MACF1: variants seen among roughly 807,000 people sequenced by gnomAD.
MACF1 encodes the protein microtubule-actin cross-linking factor 1.
In MACF1, 193 loss-of-function variants were observed where a neutral mutation model predicts 854.8. That is an observed-to-expected ratio of 0.23 (90% CI 0.20 to 0.25). The LOEUF is 0.25. Among genes scored for constraint, MACF1 ranks in the 10% least tolerant of loss-of-function variants. The pLI is 1.00. For synonymous variants in MACF1, 3,185 were observed against 3,226.7 expected (o/e 0.99, Z 0.44); for missense variants, 7,722 against 8,929.1 (o/e 0.86, Z 5.45).
At chr1:39,408,828 G>A (rs1474379208) in intron 58 of MACF1, among the ~76,000 whole-genome samples, 1 of 151,942 alleles carries the variant, frequency 6.6e-6, no homozygotes, top group Admixed American at 6.5e-5. Context: ...GGCGTCCCGG[G>A]TCTCTCGCTC....
chr1:39,445,475 G>T (rs946709280), intron 80 of MACF1, among the ~76,000 whole-genome samples: 1 of 152,228 alleles, frequency 6.6e-6, no homozygotes, highest in Non-Finnish European at 1.5e-5. Flanking sequence ...TTGAGCAAGT[G>T]TGTGCCAAGT....
At chr1:39,198,940 A>T (rs1644356010) in intron 2 of MACF1, among the ~76,000 whole-genome samples, 1 of 152,186 alleles carries the variant, frequency 6.6e-6, no homozygotes, top group South Asian at 2.1e-4. Context: ...GAGGAAGTAT[A>T]AACACCTCAA....
At chr1:39,268,132 T>C (rs1645255364) in intron 6 of MACF1, among the ~76,000 whole-genome samples, 1 of 152,216 alleles carries the variant, frequency 6.6e-6, no homozygotes, top group Non-Finnish European at 1.5e-5. Context: ...TTGGTTCTTC[T>C]TGGCCCGGGC....
Position 39,447,815 on chromosome 1 carries a change from G to C in MACF1, c.19885G>C (p.Val6629Leu), listed in dbSNP as rs369605640. 32 of 1,613,826 alleles carry C rather than the reference G, an allele frequency of 2.0e-5. No homozygotes were observed. Among genetic ancestry groups the C allele is most frequent in the African/African-American group, 5.3e-5 (4 of 74,852 alleles). ...TCTGATCAAGAATTTGTTGGTGAGC[G>C]TGCAGTCTCGATGGGAGAAGGTTGT... The part of the protein sequence containing the change: ...VVLIKNLLVS[V>L]QSRWEKVVQR... Residue 6629 changes from valine (V) to leucine (L), a missense_variant, in exon 82 of 101, where the codon GTG (valine) becomes CTG (leucine). By Grantham distance (32) the Val-to-Leu change is conservative. Around this residue, in one of 15 missense-constraint regions of MACF1, gnomAD observed 729 missense variants for 900.5 expected, o/e 0.81. Coordinates refer to ENST00000564288, the MANE Select transcript of MACF1 (RefSeq NM_001394062.1).
chr1:39,330,524 G>T (rs375033493), intron 36 of MACF1, among the ~76,000 whole-genome samples: 1 of 152,114 alleles, frequency 6.6e-6, no homozygotes, highest in African/African-American at 2.4e-5. Flanking sequence ...GAACTGTTAC[G>T]TGTCTTTAAG....
At chr1:39,192,411 G>A (rs75851949) in intron 2 of MACF1, among the ~76,000 whole-genome samples, 1 of 152,092 alleles carries the variant, frequency 6.6e-6, no homozygotes, top group Admixed American at 6.6e-5. Context: ...TCTCTATAAG[G>A]ACTCATCACA....
At chr1:39,367,830 C>T (rs1018141589) in intron 49 of MACF1, among the ~76,000 whole-genome samples, 1 of 151,890 alleles carries the variant, frequency 6.6e-6, no homozygotes, top group Non-Finnish European at 1.5e-5. Flanking sequence ...ATTAGCTGGG[C>T]ATGGTGGCAG....
Position 39,287,278 on chromosome 1 carries a change from C to G in MACF1, c.1509-8C>G. The G allele has an allele frequency of 6.2e-7, 1 of 1,607,208 alleles. No homozygotes were observed. The highest frequency in any genetic ancestry group is 2.2e-5 in the East Asian group (1 of 44,762). On this transcript the variant is annotated splice_polypyrimidine_tract_variant and splice_region_variant and intron_variant, in intron 14 of 100. Coordinates refer to ENST00000564288, the MANE Select transcript of MACF1 (RefSeq NM_001394062.1). The stretch of plus-strand genomic sequence containing the variant: ...AATCCTTTCCTTTTTTCTCTTCTTC[C>G]ATTTCAGGGTCATGCGTCTTCAGGA...
intron 99 of MACF1, among the ~76,000 whole-genome samples, chr1:39,481,717 C>G (rs1645015220): frequency 6.6e-6 from 1 of 152,228 alleles, no homozygotes; most frequent in African/African-American, 2.4e-5. Context: ...AGAAATAAAA[C>G]ATGGACTAGT....
intron 2 of MACF1, among the ~76,000 whole-genome samples, chr1:39,136,809 T>C (rs1643183219): frequency 6.6e-6 from 1 of 152,188 alleles, no homozygotes; most frequent in Admixed American, 6.5e-5. Flanking sequence ...GAATCTATTT[T>C]AGAGAAACAG....
chr1:39,336,542 A>G lies in MACF1; in HGVS notation c.9954A>G (p.Thr3318=). 1 of 1,614,200 alleles carries G rather than the reference A, an allele frequency of 6.2e-7. No individual in the cohort carries two copies. Among genetic ancestry groups the G allele is most frequent in the Non-Finnish European group, 8.5e-7 (1 of 1,180,022 alleles). Residue 3318 remains threonine, a synonymous_variant, in exon 37 of 101, where the codon ACA becomes ACG. Transcript: ENST00000564288. Reference sequence around the variant, plus strand: ...GCTCTGCAGTGAAGACAGAGAAGACACCACAGGAAAAGCTCAGAGAAAGCC... The same window carrying G: ...GCTCTGCAGTGAAGACAGAGAAGACGCCACAGGAAAAGCTCAGAGAAAGCC... The part of the protein sequence containing the change: ...TVCSAVKTEK[T]PQEKLRESPG...
chr1:39,396,627 A>C (rs1642285482), intron 58 of MACF1, among the ~76,000 whole-genome samples: 1 of 152,238 alleles, frequency 6.6e-6, no homozygotes, highest in Non-Finnish European at 1.5e-5. Flanking sequence ...TCTCAGCCTT[A>C]GGCTGGTTCT....
chr1:39,197,702 T>A (rs115511541), intron 2 of MACF1, among the ~76,000 whole-genome samples: 1 of 151,742 alleles, frequency 6.6e-6, no homozygotes, highest in Non-Finnish European at 1.5e-5. Flanking sequence ...CTGGACTACA[T>A]AGTGAGACCC....
At chr1:39,247,851 G>A (rs1175356902) in intron 2 of MACF1, among the ~76,000 whole-genome samples, 4 of 151,998 alleles carry the variant, frequency 2.6e-5, no homozygotes, top group Admixed American at 6.6e-5. Context: ...GTGAAACCCC[G>A]TCTCTACTAA....
chr1:39,131,889 C>T (rs1643014978), intron 2 of MACF1, among the ~76,000 whole-genome samples: 1 of 152,176 alleles, frequency 6.6e-6, no homozygotes, highest in Non-Finnish European at 1.5e-5. Context: ...TCAAGTGATC[C>T]TCCTGCCTCA....
chr1:39,100,346 T>C (rs572074582), intron 2 of MACF1, among the ~76,000 whole-genome samples: 9 of 152,114 alleles, frequency 5.9e-5, no homozygotes, highest in Non-Finnish European at 1.3e-4. Flanking sequence ...AGTCTGATTA[T>C]AGGGAAAGGA....
intron 58 of MACF1, among the ~76,000 whole-genome samples, chr1:39,391,520 G>A (rs3768299): frequency 0.16 from 24,279 of 152,128 alleles, 2,425 homozygotes; most frequent in Middle Eastern, 0.22. Flanking sequence ...TTTGGTCTGT[G>A]TAGTCTATTC....
At chr1:39,305,159 G>A (rs2148423974) in intron 23 of MACF1, among the ~76,000 whole-genome samples, 1 of 151,340 alleles carries the variant, frequency 6.6e-6, no homozygotes, top group East Asian at 2.0e-4. Context: ...TACTTAGGAG[G>A]CTGAGGCAGG....
At chr1:39,198,656 CAAA>C (rs539074566) in intron 2 of MACF1, among the ~76,000 whole-genome samples, 7 of 75,840 alleles carry the variant, frequency 9.2e-5, no homozygotes, top group Admixed American at 1.5e-4. Flanking sequence ...AACTCCGTCT[CAAA>C]AAAAAAAAAA....
Sources: gnomAD v4.1 joint callset for allele counts (sites outside exome capture counted in the v4.1 genomes callset) on GRCh38, gnomAD v4.1.1 for gene constraint, gnomAD v4.1.1 regional missense constraint, MANE v1.5 for transcripts, NCBI Gene and HGNC (gene_info 2026-07-23, HGNC 2026-07-21) for gene names.